Variants in WDR49 observed in about 807,000 individuals in gnomAD.
WDR49 encodes cilia- and flagella-associated protein 337.
Under a neutral mutation model 119.5 loss-of-function variants are expected in WDR49, and 107 were observed. The observed-to-expected ratio is 0.90, with a 90% CI of 0.77 to 1.05. The LOEUF (loss-of-function observed/expected upper bound fraction) is 1.05, where lower values mean the gene tolerates loss of function less well. Ranked by LOEUF, WDR49 falls within the 50% of genes least tolerant of loss-of-function variation. The pLI is 0.00. For synonymous variants in WDR49, 425 were observed against 418.8 expected (o/e 1.01, Z -0.18); for missense variants, 1,240 against 1,220.5 (o/e 1.02, Z -0.24).
At position 167,506,745 on chromosome 3, in the gene WDR49, T is replaced by A. The variant is rs186631885; in HGVS notation, c.2775-1329A>T. ...TAGAGTTTTACTAGTTTTTTCTTAA[T>A]GTGATTTTTCTGTAACGTCAACATT... is the stretch of plus-strand genomic sequence containing the variant. On this transcript the variant is annotated intron_variant, in intron 16 of 18. Transcript: ENST00000682715. 3.9e-5 allele frequency among the ~76,000 whole-genome samples: 6 copies of A among 152,354 alleles called. No homozygotes were observed. The East Asian group carries it at 9.6e-4, about 24-fold the overall frequency.
intron 7 of WDR49, among the ~76,000 whole-genome samples, chr3:167,594,816 G>T (rs553642806): frequency 6.7e-6 from 1 of 149,972 alleles, no homozygotes; most frequent in East Asian, 2.0e-4. Flanking sequence ...ACAAGACAGG[G>T]ATGCCCTCTC....
At chr3:167,550,396 A>G (rs1421420364) in intron 10 of WDR49, among the ~76,000 whole-genome samples, 1 of 152,044 alleles carries the variant, frequency 6.6e-6, no homozygotes, top group African/African-American at 2.4e-5. Context: ...GTTCTCCTTG[A>G]AGAGGTCCTT....
At chr3:167,584,039 C>T (rs1236795467) in intron 7 of WDR49, among the ~76,000 whole-genome samples, 1 of 152,032 alleles carries the variant, frequency 6.6e-6, no homozygotes, top group Non-Finnish European at 1.5e-5. Context: ...TTAGGTATAA[C>T]ATTAAAGAGC....
At chr3:167,534,473 G>A (rs1752956299) in intron 11 of WDR49, among the ~76,000 whole-genome samples, 1 of 152,130 alleles carries the variant, frequency 6.6e-6, no homozygotes, top group African/African-American at 2.4e-5. Flanking sequence ...CTGCAGGGGT[G>A]GCCTTCCAGT....
rs763821526 is a variant in WDR49, at chr3:167,602,182, A to G, written c.1220T>C (p.Ile407Thr). The G allele has an allele frequency of 1.4e-5, 22 of 1,607,706 alleles. No individual in the cohort carries two copies. The highest frequency in any genetic ancestry group is 1.8e-5 in the Non-Finnish European group (21 of 1,175,512). Reference protein sequence around the residue: ...GVLWGHSASVIAVQFFVERKQ... With the variant: ...GVLWGHSASVTAVQFFVERKQ... ...TCTTTCCACAAAGAATTGGACGGCTATTACACTGGCTGAGTGGCCCCAAAG... is the reference window on the plus strand; with the variant it reads ...TCTTTCCACAAAGAATTGGACGGCTGTTACACTGGCTGAGTGGCCCCAAAG... Residue 407 changes from isoleucine to threonine, a missense_variant, in exon 7 of 19, where the codon ATA becomes ACA. By Grantham distance (89) the Ile-to-Thr change is moderately conservative. Transcript: ENST00000682715.
At chr3:167,585,394 G>A (rs1210873096) in intron 7 of WDR49, among the ~76,000 whole-genome samples, 10 of 64,564 alleles carry the variant, frequency 1.5e-4, no homozygotes, top group African/African-American at 5.8e-4. Context: ...AAGGGTGCGT[G>A]TGTGTGTGTG....
intron 18 of WDR49, among the ~76,000 whole-genome samples, chr3:167,492,615 G>A (rs1231225460): frequency 6.6e-6 from 1 of 152,058 alleles, no homozygotes; most frequent in Admixed American, 6.6e-5. Context: ...ATCATTTAAT[G>A]TTCACAGAAA....
At chr3:167,503,101 G>A (rs1751637315) in intron 17 of WDR49, among the ~76,000 whole-genome samples, 1 of 152,220 alleles carries the variant, frequency 6.6e-6, no homozygotes, top group Admixed American at 6.5e-5. Flanking sequence ...AGCTCCAGCT[G>A]TGGCTCAAAG....
intron 8 of WDR49, among the ~76,000 whole-genome samples, chr3:167,563,506 G>T (rs1460052431): frequency 1.3e-5 from 2 of 152,064 alleles, no homozygotes; most frequent in Admixed American, 1.3e-4. Context: ...TTCCAAGCTT[G>T]TGTGAAAATT....
intron 9 of WDR49, among the ~76,000 whole-genome samples, chr3:167,556,830 G>A (rs1357713493): frequency 2.0e-5 from 3 of 152,112 alleles, no homozygotes; most frequent in Non-Finnish European, 2.9e-5. Flanking sequence ...TTTGAGACCA[G>A]CCTGGCCAAT....
chr3:167,610,606 G>A (rs1716294503), intron 5 of WDR49, among the ~76,000 whole-genome samples: 1 of 152,218 alleles, frequency 6.6e-6, no homozygotes, highest in South Asian at 2.1e-4. Context: ...CAGGGGCTGG[G>A]GGACCTTGCT....
At chr3:167,593,472 T>C (rs1715243748) in intron 7 of WDR49, among the ~76,000 whole-genome samples, 1 of 152,002 alleles carries the variant, frequency 6.6e-6, no homozygotes, top group Admixed American at 6.6e-5. Flanking sequence ...GTTAATGTCT[T>C]TGTTAAATTT....
intron 16 of WDR49, among the ~76,000 whole-genome samples, chr3:167,517,022 A>G (rs1314335549): frequency 6.6e-6 from 1 of 152,204 alleles, no homozygotes; most frequent in Admixed American, 6.5e-5. Context: ...ATGAGATACC[A>G]TCTCACACTA....
intron 5 of WDR49, 48 bp from the exon 6 acceptor site, chr3:167,604,516 C>T (rs760169176): frequency 1.3e-6 from 2 of 1,494,364 alleles, no homozygotes; most frequent in South Asian, 1.3e-5. Flanking sequence ...TGATTCTTCA[C>T]AAGATATTAG....
chr3:167,604,204 C>T lies in WDR49; in HGVS notation c.1126+97G>A, dbSNP rs1202495413. The T allele has an allele frequency of 2.1e-6, 3 of 1,399,074 alleles. No homozygotes were observed. In the Admixed American group the frequency reaches 6.4e-5, roughly 30 times the overall value. The allele number at this position is 1,399,074 out of a possible 1,614,324, so 86.7% of individuals were successfully genotyped here. Reference sequence around the variant, plus strand: ...GAGCTTCTCGAGATGGTCTCTATAGCAATACAGCAACAAGGTAGCAAAGGC... The same window carrying T: ...GAGCTTCTCGAGATGGTCTCTATAGTAATACAGCAACAAGGTAGCAAAGGC... On this transcript the variant is annotated intron_variant, in intron 6 of 18. Coordinates refer to ENST00000682715, the MANE Select transcript of WDR49 (RefSeq NM_001366157.1).
In WDR49 at chr3:167,479,153, C is replaced by T. The variant is rs554901435; in HGVS notation, c.3032-157G>A. On this transcript the variant is annotated intron_variant, in intron 18 of 18. Transcript: ENST00000682715. ...TGGAAAAATTTTCTCTAAGCTTCTG[C>T]TATTCTGTTTACTGCAATTTACATC... 236 of 602,982 alleles carry T rather than the reference C, an allele frequency of 3.9e-4. 1 individual carries two copies. The South Asian group carries it at 4.9e-3, about 13-fold the overall frequency. The allele number at this position is 602,982 out of a possible 1,614,324, so 37.4% of individuals were successfully genotyped here. A position where few individuals can be genotyped will look rare whatever the true frequency, so the allele number is the denominator to read the frequency against.
upstream of WDR49, among the ~76,000 whole-genome samples, chr3:167,655,795 G>T (rs1478515984): frequency 6.6e-6 from 1 of 152,130 alleles, no homozygotes; most frequent in Non-Finnish European, 1.5e-5. Flanking sequence ...CTACTTGGGA[G>T]GCTGAGGCAG....
intron 10 of WDR49, among the ~76,000 whole-genome samples, chr3:167,543,367 T>C (rs6797617): frequency 0.32 from 48,095 of 151,756 alleles, 7,905 homozygotes; most frequent in African/African-American, 0.39. Flanking sequence ...ATGACCCTGT[T>C]GAACATAGAT....
Position 167,478,956 on chromosome 3 carries a change from C to A in WDR49, c.3072G>T (p.Lys1024Asn). The A allele has an allele frequency of 6.2e-7, 1 of 1,608,458 alleles. No individual in the cohort carries two copies. The highest frequency in any genetic ancestry group is 8.5e-7 in the Non-Finnish European group (1 of 1,178,626). ...AVFDEKNLFP[K>N]EILHHERKAK... ...CTTTTCGTTCATGATGCAGAATTTC[C>A]TTGGGAAACAGGTTTTTCTCATCAA... is the stretch of plus-strand genomic sequence containing the variant. The change falls in exon 19 of 19, where the codon AAG becomes AAT. Residue 1024 changes from lysine (K) to asparagine (N), a missense_variant. Transcript: ENST00000682715.
Sources: gnomAD v4.1 joint callset for allele counts (sites outside exome capture counted in the v4.1 genomes callset) on GRCh38, gnomAD v4.1.1 for gene constraint, MANE v1.5 for transcripts, NCBI Gene and HGNC (gene_info 2026-07-23, HGNC 2026-07-21) for gene names.